VIL1: variants seen among roughly 807,000 people sequenced by gnomAD.
The protein encoded by VIL1 is villin-1.
VIL1 carries 86 observed loss-of-function variants against 104.0 expected under a neutral mutation model. That is an observed-to-expected ratio of 0.83 (90% CI 0.69 to 0.99). The LOEUF is 0.99. Among genes scored for constraint, VIL1 ranks in the 50% least tolerant of loss-of-function variants. The pLI is 0.00. For synonymous variants in VIL1, 394 were observed against 412.6 expected (o/e 0.95, Z 0.55); for missense variants, 944 against 1,054.1 (o/e 0.90, Z 1.45).
intron 13 of VIL1, among the ~76,000 whole-genome samples, chr2:218,434,159 T>C (rs1268574597): frequency 1.4e-5 from 2 of 142,028 alleles, no homozygotes; most frequent in Non-Finnish European, 3.0e-5. Flanking sequence ...ATAGTGCCAT[T>C]GCACTCCAGC....
In VIL1 at chr2:218,432,776, C is replaced by G; in HGVS notation, c.1342-17C>G. The G allele has an allele frequency of 6.2e-7, 1 of 1,613,756 alleles. No individual in the cohort carries two copies. The highest frequency in any genetic ancestry group is 8.5e-7 in the Non-Finnish European group (1 of 1,179,900). ...GGGCTGACCCAATCCCACTCACTCC[C>G]TCCTGCTCATCCCCAGGGCAGCCAG... On this transcript the variant is annotated splice_polypyrimidine_tract_variant and intron_variant, in intron 12 of 19. Transcript: ENST00000248444.
At chr2:218,435,983 C>T (rs180998456) in intron 15 of VIL1, among the ~76,000 whole-genome samples, 25 of 152,250 alleles carry the variant, frequency 1.6e-4, no homozygotes, top group East Asian at 1.2e-3. Flanking sequence ...AGATTACAGG[C>T]GCCCACCACC....
chr2:218,442,155 T>C (rs1574819938), intron 19 of VIL1, among the ~76,000 whole-genome samples: 2 of 151,940 alleles, frequency 1.3e-5, no homozygotes. Flanking sequence ...GAGAGAAACA[T>C]TTAGGAGGTA....
intron 6 of VIL1, 64 bp from the exon 7 acceptor site, chr2:218,429,221 A>T: frequency 6.5e-7 from 1 of 1,548,426 alleles, no homozygotes; most frequent in African/African-American, 1.4e-5. Context: ...GGCAGGGTGT[A>T]GGGTGGCAGA....
In VIL1 at chr2:218,425,828, G is replaced by A. The variant is rs1243656509; in HGVS notation, c.347+17G>A. The A allele has an allele frequency of 3.1e-6, 5 of 1,591,842 alleles. No individual in the cohort carries two copies. The highest frequency in any genetic ancestry group is 4.3e-6 in the Non-Finnish European group (5 of 1,167,922). ...AGGCCTTGTGTAGGGAGGGTGGGCT[G>A]CAGGCCGGGGGAATGAGGATGAGTG... On this transcript the variant is annotated intron_variant, in intron 4 of 19. Coordinates refer to ENST00000248444, the MANE Select transcript of VIL1 (RefSeq NM_007127.3).
intron 15 of VIL1, 61 bp downstream of exon 15, chr2:218,435,495 A>G: frequency 6.3e-7 from 1 of 1,575,964 alleles, no homozygotes; most frequent in Non-Finnish European, 8.6e-7. Flanking sequence ...CAGCATCTCC[A>G]TCCCTACACC....
intron 6 of VIL1, among the ~76,000 whole-genome samples, chr2:218,428,899 A>G (rs1689046620): frequency 6.6e-6 from 1 of 152,086 alleles, no homozygotes; most frequent in Non-Finnish European, 1.5e-5. Flanking sequence ...TGAACTCCTG[A>G]TCTCAGGTGA....
chr2:218,440,993 A>C, intron 19 of VIL1, 131 bp downstream of exon 19: 1 of 1,048,006 alleles, frequency 9.5e-7, no homozygotes, highest in Non-Finnish European at 1.4e-6. Flanking sequence ...CCTTCATGCC[A>C]CCTTATATCC....
rs138625802 is a variant in VIL1, at chr2:218,423,287, C to T, written c.-11-481C>T. 9.3e-3 allele frequency among the ~76,000 whole-genome samples: 1,421 copies of T among 152,162 alleles called. 25 individuals carry two copies. Among genetic ancestry groups the T allele is most frequent in the African/African-American group, 0.032 (1,325 of 41,520 alleles). On this transcript the variant is annotated intron_variant, in intron 1 of 19. Transcript: ENST00000248444. ...GCTCACGCCTGTAATCCCAGCTATG[C>T]GGGAGGTTGAGGTAGGAGAATCACT...
At chr2:218,430,425 G>A (rs186144269) in intron 9 of VIL1, among the ~76,000 whole-genome samples, 3 of 152,304 alleles carry the variant, frequency 2.0e-5, no homozygotes, top group African/African-American at 7.2e-5. Flanking sequence ...GGTCACATTA[G>A]GCGTTAGATT....
In VIL1 at chr2:218,435,281, T is replaced by C; in HGVS notation, c.1681-8T>C. On this transcript the variant is annotated splice_polypyrimidine_tract_variant and splice_region_variant and intron_variant, in intron 14 of 19. Transcript: ENST00000248444. ...CACTAGAAATTAGCCAACTCTTTTTTTTCCTAGGGTTGTAGCGGGGACGAG... is the reference window on the plus strand; with the variant it reads ...CACTAGAAATTAGCCAACTCTTTTTCTTCCTAGGGTTGTAGCGGGGACGAG... 6.2e-7 allele frequency: 1 copy of C among 1,611,818 alleles called. No homozygotes were observed. Among genetic ancestry groups the C allele is most frequent in the Non-Finnish European group, 8.5e-7 (1 of 1,178,394 alleles).
chr2:218,422,099 A>G (rs898507235), intron 1 of VIL1, among the ~76,000 whole-genome samples: 1 of 152,106 alleles, frequency 6.6e-6, no homozygotes, highest in South Asian at 2.1e-4. Flanking sequence ...TATTAAAAAT[A>G]CAAAAATTAG....
At position 218,435,217 on chromosome 2, in the gene VIL1, T is replaced by C. The variant is rs1325770657; in HGVS notation, c.1681-72T>C. ...AGAGCCCTCTTTGACCCCTGAACTC[T>C]GGGCAGTGAATGTAGTAGGAGGGTG... On this transcript the variant is annotated intron_variant, in intron 14 of 19. Transcript: ENST00000248444. 13 of 1,573,946 alleles carry C rather than the reference T, an allele frequency of 8.3e-6. No homozygotes were observed. In the East Asian group the frequency reaches 2.5e-4, roughly 30 times the overall value.
Position 218,432,198 on chromosome 2 carries a change from C to A in VIL1, c.1341+15C>A. On this transcript the variant is annotated intron_variant, in intron 12 of 19. Transcript: ENST00000248444. The stretch of plus-strand genomic sequence containing the variant: ...ACGTTTGGCAGGTCAGGTCCCGCCA[C>A]GTCCCACCCAGAGCACAGCCGGCTT... 1 of 1,608,774 alleles carries A rather than the reference C, an allele frequency of 6.2e-7. No individual in the cohort carries two copies. Among genetic ancestry groups the A allele is most frequent in the African/African-American group, 1.3e-5 (1 of 74,988 alleles).
At chr2:218,428,122 G>A in intron 5 of VIL1, 49 bp downstream of exon 5, 2 of 1,602,184 alleles carry the variant, frequency 1.2e-6, no homozygotes, top group Non-Finnish European at 1.7e-6. Flanking sequence ...GGCCCAGGGT[G>A]GAGGGCAGGG....
rs1689273855 is a variant in VIL1, at chr2:218,440,863, G to A, written c.2370+1G>A. 2 of 1,613,872 alleles carry A rather than the reference G, an allele frequency of 1.2e-6. No homozygotes were observed. Among genetic ancestry groups the A allele is most frequent in the Non-Finnish European group, 1.7e-6 (2 of 1,179,870 alleles). ...GGGTGTGGACCCCAGCAGGAAGGAG[G>A]TAGGTCAGATTCTCAAAGGAAGACA... On this transcript the variant is annotated splice_donor_variant, in intron 19 of 19. Coordinates refer to ENST00000248444, the MANE Select transcript of VIL1 (RefSeq NM_007127.3). LOFTEE classifies it high-confidence loss of function.
At chr2:218,437,833 G>A (rs966547296) in intron 17 of VIL1, among the ~76,000 whole-genome samples, 5 of 152,096 alleles carry the variant, frequency 3.3e-5, no homozygotes, top group Non-Finnish European at 7.4e-5. Context: ...AACCTCCCAC[G>A]GGGTGTTTCC....
intron 10 of VIL1, 104 bp downstream of exon 10, chr2:218,430,982 C>T (rs1475151067): frequency 9.7e-6 from 14 of 1,441,990 alleles, no homozygotes; most frequent in Admixed American, 2.2e-5. Flanking sequence ...GCATCTTCAA[C>T]GAAGACTTTT....
Position 218,435,297 on chromosome 2 carries a change from C to A in VIL1, c.1689C>A (p.Ser563Arg). 6.2e-7 allele frequency: 1 copy of A among 1,613,508 alleles called. No individual in the cohort carries two copies. Among genetic ancestry groups the A allele is most frequent in the Middle Eastern group, 1.7e-4 (1 of 6,060 alleles). The change falls in exon 15 of 20, where the codon AGC (serine) becomes AGA (arginine). Residue 563 changes from serine to arginine, a missense_variant. Physicochemically the swap from Ser to Arg is moderately radical, Grantham distance 110. Coordinates refer to ENST00000248444, the MANE Select transcript of VIL1 (RefSeq NM_007127.3). ...CCYLWCGKGC[S>R]GDEREMAKMV... ...ACTCTTTTTTTTCCTAGGGTTGTAG[C>A]GGGGACGAGCGGGAGATGGCCAAGA...
Sources: allele counts gnomAD v4.1 joint callset (sites outside exome capture counted in the v4.1 genomes callset), GRCh38; gene constraint gnomAD v4.1.1; transcripts MANE v1.5; gene names NCBI Gene and HGNC (gene_info 2026-07-23, HGNC 2026-07-21).